Variants in PACS2 observed in about 807,000 individuals in gnomAD.
The protein encoded by PACS2 is phosphofurin acidic cluster sorting protein 2.
In PACS2, 36 loss-of-function variants were observed where a neutral mutation model predicts 113.0. That is an observed-to-expected ratio of 0.32 (90% CI 0.24 to 0.42). PACS2 has a LOEUF of 0.42. PACS2 is among the 10% of genes least tolerant of loss of function. PACS2 has a pLI of 1.00. For missense variants in PACS2, 1,015 were observed against 1,239.5 expected (o/e 0.82, Z 2.72); for synonymous variants, 589 against 536.1 (o/e 1.10, Z -1.36).
chr14:105,353,378 C>T (rs1431387622), intron 3 of PACS2, among the ~76,000 whole-genome samples: 1 of 129,152 alleles, frequency 7.7e-6, no homozygotes, highest in Non-Finnish European at 1.6e-5. Context: ...GTGATGGCCC[C>T]CCCTCATCAC....
At chr14:105,375,909 C>T (rs1340391198) in intron 8 of PACS2, among the ~76,000 whole-genome samples, 2 of 152,180 alleles carry the variant, frequency 1.3e-5, no homozygotes, top group African/African-American at 4.8e-5. Flanking sequence ...CACTGCAGAA[C>T]CATCAGAGGA....
chr14:105,393,144 C>T (rs587669974), intron 23 of PACS2, 78 bp from the exon 24 acceptor site: 2 of 1,103,988 alleles, frequency 1.8e-6, no homozygotes, highest in East Asian at 2.4e-5. Flanking sequence ...CCAGTGCCTC[C>T]CCCACACGTA....
intron 1 of PACS2, among the ~76,000 whole-genome samples, chr14:105,345,506 T>C (rs1169174718): frequency 6.6e-6 from 1 of 152,242 alleles, no homozygotes; most frequent in Non-Finnish European, 1.5e-5. Context: ...AGAACGGCTT[T>C]AGCTGCACCT....
At chr14:105,390,922 T>C in intron 20 of PACS2, 1 of 492,588 alleles carries the variant, frequency 2.0e-6, no homozygotes, top group Non-Finnish European at 3.6e-6. Context: ...GCGTCCTGTT[T>C]TTACTGCACA....
At position 105,394,712 on chromosome 14, in the gene PACS2, G is replaced by A; in HGVS notation, c.*40G>A. On this transcript the variant is annotated 3_prime_UTR_variant, in exon 25 of 25. Coordinates refer to ENST00000447393, the MANE Select transcript of PACS2 (RefSeq NM_001100913.3). ...GGGCCCACCTCCTGCCCCATGCTGT[G>A]AGGGGCCCAGCTGCATTTCTGTTAA... 1 of 1,234,532 alleles carries A rather than the reference G, an allele frequency of 8.1e-7. No individual in the cohort carries two copies. The highest frequency in any genetic ancestry group is 1.2e-6 in the Non-Finnish European group (1 of 834,286). The allele number at this position is 1,234,532 out of a possible 1,614,324, so 76.5% of individuals were successfully genotyped here.
intron 11 of PACS2, 63 bp downstream of exon 11, chr14:105,380,217 G>C (rs978636616): frequency 1.0e-5 from 14 of 1,392,326 alleles, no homozygotes; most frequent in African/African-American, 1.4e-5. Context: ...CTGCCTTTAA[G>C]GGTCTGACCT....
Position 105,381,079 on chromosome 14 carries a change from C to G in PACS2, c.1248C>G (p.Ser416=). The G allele has an allele frequency of 6.2e-7, 1 of 1,612,030 alleles. No homozygotes were observed. Among genetic ancestry groups the G allele is most frequent in the Non-Finnish European group, 8.5e-7 (1 of 1,179,510 alleles). ...PPSGRITKTE[S]LVIPSTRSEG... Reference sequence around the variant, plus strand: ...GCGGGAGGATCACCAAGACAGAGTCCCTTGTCATCCCCTCCACCAGGTGAT... The same window carrying G: ...GCGGGAGGATCACCAAGACAGAGTCGCTTGTCATCCCCTCCACCAGGTGAT... Residue 416 remains serine, a synonymous_variant, in exon 12 of 25, where the codon TCC becomes TCG. Transcript: ENST00000447393.
chr14:105,348,575 A>G lies in PACS2; in HGVS notation c.202A>G (p.Met68Val), dbSNP rs1555403167. ...ELISVVIAVK[M>V]QGSKRILRSH... ...GATCTCCGTGGTGATCGCTGTCAAG[A>G]TGCAGGTGAGGCCGCTTGTGACCCC... The change falls in exon 2 of 25, where the codon ATG becomes GTG. Residue 68 changes from methionine to valine, a missense_variant. By Grantham distance (21) the Met-to-Val change is conservative (BLOSUM62 1). Transcript: ENST00000447393. The surrounding 1 kb of genome is among the most constrained non-coding windows in gnomAD (Gnocchi z 6.4). 1 of 1,609,938 alleles carries G rather than the reference A, an allele frequency of 6.2e-7. No homozygotes were observed. The highest frequency in any genetic ancestry group is 1.7e-5 in the Admixed American group (1 of 60,008).
Position 105,348,444 on chromosome 14 carries a change from C to G in PACS2, c.120-49C>G. 1.4e-6 allele frequency: 2 copies of G among 1,442,588 alleles called. No individual in the cohort carries two copies. The highest frequency in any genetic ancestry group is 1.9e-6 in the Non-Finnish European group (2 of 1,030,020). 89.4% of individuals were successfully genotyped at this position (1,442,588 alleles called of 1,614,324 possible). A position where few individuals can be genotyped will look rare whatever the true frequency, so the allele number is the denominator to read the frequency against. ...GTGCTGGGACGGCACAGGGCCGCGT[C>G]CTGAGGAGAGGGCGGAGCCCCGAGG... is the stretch of plus-strand genomic sequence containing the variant. On this transcript the variant is annotated intron_variant, in intron 1 of 24. Coordinates refer to ENST00000447393, the MANE Select transcript of PACS2 (RefSeq NM_001100913.3). The surrounding 1 kb of genome is among the most constrained non-coding windows in gnomAD (Gnocchi z 6.4).
At chr14:105,362,487 C>G (rs1368301879) in intron 4 of PACS2, among the ~76,000 whole-genome samples, 1 of 151,932 alleles carries the variant, frequency 6.6e-6, no homozygotes, top group African/African-American at 2.4e-5. Context: ...TTTACCTTGC[C>G]CAGATCCATC....
chr14:105,375,539 A>C (rs1039180095), intron 8 of PACS2, among the ~76,000 whole-genome samples: 12 of 152,106 alleles, frequency 7.9e-5, no homozygotes, highest in Non-Finnish European at 1.8e-4. Flanking sequence ...TCAAAGACAC[A>C]CAAGTAGCCA....
In PACS2 at chr14:105,394,824, G is replaced by C. The variant is rs1008236198; in HGVS notation, c.*152G>C. 1.1e-5 allele frequency: 7 copies of C among 636,686 alleles called. No homozygotes were observed. The highest frequency in any genetic ancestry group is 2.7e-5 in the East Asian group (1 of 36,750). 39.4% of individuals were successfully genotyped at this position (636,686 alleles called of 1,614,324 possible). On this transcript the variant is annotated 3_prime_UTR_variant, in exon 25 of 25. Coordinates refer to ENST00000447393, the MANE Select transcript of PACS2 (RefSeq NM_001100913.3). The stretch of plus-strand genomic sequence containing the variant: ...ATGTGCTCACAACGTGGAAACTAAC[G>C]GGGGAGCTCCTGCCAGGAGCCGAAT...
intron 4 of PACS2, among the ~76,000 whole-genome samples, chr14:105,364,312 C>T (rs1424229323): frequency 4.2e-4 from 60 of 141,594 alleles, no homozygotes; most frequent in Non-Finnish European, 5.5e-4. Flanking sequence ...GTGGGCGTCC[C>T]GGGTGCGCGG....
chr14:105,311,310 G>A (rs1037781917), upstream of PACS2, among the ~76,000 whole-genome samples: 1 of 152,042 alleles, frequency 6.6e-6, no homozygotes, highest in Non-Finnish European at 1.5e-5. Context: ...CTGGAGTGCA[G>A]TGGTGTGATC....
rs1240515278 is a variant in PACS2 at position 105,357,085 on chromosome 14, T to C, written c.423+1908T>C. ...CCTGCCCCAGGCTGCTCCGCCCACA[T>C]CTCTCAGTCTGCACCCCAGTGCCCC... On this transcript the variant is annotated intron_variant, in intron 4 of 24. Transcript: ENST00000447393. This position sits in a 1 kb window ranked among gnomAD's most constrained non-coding sequence, Gnocchi z 5.1. Among the ~76,000 whole-genome samples the C allele has an allele frequency of 2.8e-4, 43 of 152,124 alleles. No individual in the cohort carries two copies. Among genetic ancestry groups the C allele is most frequent in the Admixed American group, 2.8e-3 (43 of 15,276 alleles).
chr14:105,387,869 C>A (rs1300516900), intron 19 of PACS2, among the ~76,000 whole-genome samples: 1 of 152,232 alleles, frequency 6.6e-6, no homozygotes, highest in African/African-American at 2.4e-5. Flanking sequence ...CACCACCTGT[C>A]TTCTGTGCCT....
At position 105,349,578 on chromosome 14, in the gene PACS2, C is replaced by T. The variant is rs373724895; in HGVS notation, c.207+998C>T. Among the ~76,000 whole-genome samples the T allele has an allele frequency of 3.9e-5, 6 of 152,272 alleles. No homozygotes were observed. The East Asian group carries it at 9.6e-4, about 24-fold the overall frequency. ...GAGCCTCGGCCAGTGTGGCTGAGGT[C>T]ACCAGCCAAGCACTGGGTCTTGAGT... On this transcript the variant is annotated intron_variant, in intron 2 of 24. Transcript: ENST00000447393.
At position 105,366,676 on chromosome 14, in the gene PACS2, C is replaced by T. The variant is rs587754497; in HGVS notation, c.424-537C>T. The stretch of plus-strand genomic sequence containing the variant: ...TTCCGGCCTGGCTGAGAGTGCTGGG[C>T]TCCTCCTTGGTCCCCCACAGACACT... On this transcript the variant is annotated intron_variant, in intron 4 of 24. Coordinates refer to ENST00000447393, the MANE Select transcript of PACS2 (RefSeq NM_001100913.3). This position sits in a 1 kb window ranked among gnomAD's most constrained non-coding sequence, Gnocchi z 4.3. Among the ~76,000 whole-genome samples the T allele has an allele frequency of 6.6e-6, 1 of 152,350 alleles. No homozygotes were observed. The highest frequency in any genetic ancestry group is 2.4e-5 in the African/African-American group (1 of 41,584).
At chr14:105,313,735 GC>G (rs1424693372), upstream of PACS2, among the ~76,000 whole-genome samples, 16 of 152,360 alleles carry the variant, frequency 1.1e-4, no homozygotes, top group East Asian at 3.1e-3. Context: ...GAAGAGAAAA[GC>G]AACTGTAAAC....
Sources: allele counts gnomAD v4.1 joint callset (sites outside exome capture counted in the v4.1 genomes callset), GRCh38; gene constraint gnomAD v4.1.1; non-coding constraint Gnocchi (gnomAD v3.1); transcripts MANE v1.5; gene names NCBI Gene and HGNC (gene_info 2026-07-23, HGNC 2026-07-21).